The following TNR variants were observed in gnomAD, a reference collection of about 807,000 sequenced individuals.
TNR encodes tenascin-R.
TNR carries 45 observed loss-of-function variants against 150.4 expected under a neutral mutation model. The observed-to-expected ratio is 0.30, with a 90% CI of 0.24 to 0.38. TNR has a LOEUF of 0.38. TNR is among the 10% of genes least tolerant of loss of function. The probability of loss-of-function intolerance (pLI) is 1.00; values close to 1 mark genes in which losing one functional copy is unlikely to be tolerated. For missense variants in TNR, 1,544 were observed against 1,759.1 expected (o/e 0.88, Z 2.19); for synonymous variants, 687 against 678.4 (o/e 1.01, Z -0.20).
intron 2 of TNR, among the ~76,000 whole-genome samples, chr1:175,445,468 G>C (rs1368083990): frequency 6.6e-6 from 1 of 152,016 alleles, no homozygotes; most frequent in African/African-American, 2.4e-5. Flanking sequence ...TGGTCTCTCT[G>C]TGAAAATTTT....
intron 2 of TNR, among the ~76,000 whole-genome samples, chr1:175,446,416 A>G (rs982945067): frequency 1.8e-4 from 27 of 152,182 alleles, no homozygotes; most frequent in African/African-American, 6.3e-4. Context: ...CTGGGACCAG[A>G]TAGAAATTTC....
intron 20 of TNR, among the ~76,000 whole-genome samples, chr1:175,332,422 A>G (rs1649988671): frequency 6.6e-6 from 1 of 152,164 alleles, no homozygotes; most frequent in South Asian, 2.1e-4. Flanking sequence ...AGTCACTTGA[A>G]CAAGAATCCC....
intron 1 of TNR, among the ~76,000 whole-genome samples, chr1:175,667,052 C>T (rs555488277): frequency 1.3e-5 from 2 of 152,260 alleles, no homozygotes; most frequent in African/African-American, 4.8e-5. Flanking sequence ...CATACCCAGC[C>T]ACTCCCCTCT....
At chr1:175,735,937 C>G (rs149459859) in intron 1 of TNR, among the ~76,000 whole-genome samples, 4 of 152,224 alleles carry the variant, frequency 2.6e-5, no homozygotes, top group Non-Finnish European at 5.9e-5. Context: ...CAGATTGGCT[C>G]TTGGTACTAA....
At chr1:175,326,104 A>C (rs1462375160) in intron 21 of TNR, among the ~76,000 whole-genome samples, 2 of 152,168 alleles carry the variant, frequency 1.3e-5, no homozygotes, top group African/African-American at 4.8e-5. Context: ...AGACTGCTTA[A>C]AGAGGTGGTG....
intron 7 of TNR, among the ~76,000 whole-genome samples, chr1:175,389,105 C>T (rs1157621150): frequency 6.6e-6 from 1 of 152,202 alleles, no homozygotes; most frequent in African/African-American, 2.4e-5. Context: ...GGAGAAGCTG[C>T]ACCTGCTATT....
chr1:175,331,165 CCT>C (rs1649889292), intron 20 of TNR, among the ~76,000 whole-genome samples: 2 of 37,646 alleles, frequency 5.3e-5, no homozygotes, highest in African/African-American at 1.9e-4. Flanking sequence ...CTTTTTCTTT[CCT>C]TCCTTCCTTC....
intron 2 of TNR, among the ~76,000 whole-genome samples, chr1:175,453,359 C>T (rs951790210): frequency 6.6e-6 from 1 of 151,746 alleles, no homozygotes; most frequent in South Asian, 2.1e-4. Flanking sequence ...TATGGTCTGT[C>T]CCCTGGAGCC....
At chr1:175,363,893 C>T (rs1226042192) in intron 12 of TNR, 66 bp from the exon 13 acceptor site, 16 of 1,553,244 alleles carry the variant, frequency 1.0e-5, no homozygotes, top group African/African-American at 4.1e-5. Context: ...ATTCTCATCC[C>T]TGGTTTTATG....
At chr1:175,452,226 A>G (rs1465533100) in intron 2 of TNR, among the ~76,000 whole-genome samples, 2 of 152,258 alleles carry the variant, frequency 1.3e-5, no homozygotes, top group African/African-American at 4.8e-5. Flanking sequence ...GAATCCCACA[A>G]GCATTGGGAA....
intron 2 of TNR, among the ~76,000 whole-genome samples, chr1:175,461,373 G>A (rs533923656): frequency 1.1e-3 from 174 of 152,262 alleles, no homozygotes; most frequent in African/African-American, 4.0e-3. Flanking sequence ...ACCTCCCCTG[G>A]CTCACCTTTA....
chr1:175,507,144 A>G (rs142878334), intron 2 of TNR, among the ~76,000 whole-genome samples: 5 of 152,188 alleles, frequency 3.3e-5, no homozygotes, highest in African/African-American at 1.2e-4. Context: ...ACAGTGCCTG[A>G]GCCTCCACCT....
intron 1 of TNR, among the ~76,000 whole-genome samples, chr1:175,639,244 C>A (rs1168015363): frequency 6.6e-6 from 1 of 152,156 alleles, no homozygotes; most frequent in Non-Finnish European, 1.5e-5. Context: ...CATCTGGAGG[C>A]AAAACTTCTT....
At chr1:175,514,106 T>C (rs1659307035) in intron 2 of TNR, among the ~76,000 whole-genome samples, 1 of 152,188 alleles carries the variant, frequency 6.6e-6, no homozygotes, top group African/African-American at 2.4e-5. Context: ...CTACCTTATA[T>C]AGCTAAGGGG....
intron 1 of TNR, among the ~76,000 whole-genome samples, chr1:175,694,898 A>G (rs1666468302): frequency 6.6e-6 from 1 of 152,216 alleles, no homozygotes; most frequent in Non-Finnish European, 1.5e-5. Flanking sequence ...GAGAAAGTCA[A>G]TATCTATGGT....
intron 8 of TNR, among the ~76,000 whole-genome samples, chr1:175,380,131 AC>A (rs1251427020): frequency 6.6e-6 from 1 of 152,192 alleles, no homozygotes; most frequent in East Asian, 1.9e-4. Context: ...TGACCACTAA[AC>A]AAAAAGAAGA....
In TNR at chr1:175,594,444, CCTTT is replaced by C. The variant is rs1417599633; in HGVS notation, c.-164-66079_-164-66076del. ...TCAATATGGGTCTAACTTATTTTTC[CCTTT>C]CTATCTCCTAAAGCATTTATTTGCA... On this transcript the variant is annotated intron_variant, in intron 1 of 22. Transcript: ENST00000367674. 5.9e-5 allele frequency among the ~76,000 whole-genome samples: 9 copies of C among 152,162 alleles called. No individual in the cohort carries two copies. The East Asian group carries it at 1.5e-3, about 26-fold the overall frequency.
chr1:175,743,063 G>A (rs1010494380), intron 1 of TNR, among the ~76,000 whole-genome samples, 163 bp downstream of exon 1: 2 of 151,716 alleles, frequency 1.3e-5, no homozygotes, highest in East Asian at 1.9e-4. Context: ...TTTTCCCTAC[G>A]CAGAACCCGA....
At chr1:175,391,242 A>G in intron 7 of TNR, 46 bp downstream of exon 7, 3 of 1,596,074 alleles carry the variant, frequency 1.9e-6, no homozygotes, top group Non-Finnish European at 2.6e-6. Context: ...TTCTTTTCCA[A>G]GTGACCTAGT....
Sources: gnomAD v4.1 joint callset for allele counts (sites outside exome capture counted in the v4.1 genomes callset) on GRCh38, gnomAD v4.1.1 for gene constraint, MANE v1.5 for transcripts, NCBI Gene and HGNC (gene_info 2026-07-23, HGNC 2026-07-21) for gene names.